The following SMG9 variants were observed in gnomAD, a reference collection of about 807,000 sequenced individuals.
The protein encoded by SMG9 is nonsense-mediated mRNA decay factor SMG9.
A neutral mutation model predicts 64.0 loss-of-function variants in SMG9; 55 were observed. The observed-to-expected ratio is 0.86, with a 90% confidence interval of 0.69 to 1.08. SMG9 has a LOEUF of 1.08. Ranked by LOEUF, SMG9 falls within the 50% of genes least tolerant of loss-of-function variation. The pLI is 0.00. For missense variants in SMG9, 554 were observed against 681.3 expected (o/e 0.81, Z 2.08); for synonymous variants, 244 against 254.8 (o/e 0.96, Z 0.41).
In SMG9 at chr19:43,747,540, CTGGAGAT is replaced by C. The variant is rs1467569556; in HGVS notation, c.491-8_491-2del. On this transcript the variant is annotated splice_acceptor_variant and splice_polypyrimidine_tract_variant and intron_variant, in intron 4 of 13. Transcript: ENST00000270066. LOFTEE classifies it high-confidence loss of function. ...AGTAGTTTGGCCTGACCCACGACAG[CTGGAGAT>C]TGGAGAAAGCAGGAGACAGAGGATG... 3 of 1,614,180 alleles carry C rather than the reference CTGGAGAT, an allele frequency of 1.9e-6. No homozygotes were observed. The highest frequency in any genetic ancestry group is 1.7e-6 in the Non-Finnish European group (2 of 1,180,040).
chr19:43,734,227 G>A (rs1968577376), intron 10 of SMG9, 162 bp downstream of exon 10: 3 of 615,326 alleles, frequency 4.9e-6, no homozygotes, highest in Non-Finnish European at 8.7e-6. Flanking sequence ...AACTTGGAAG[G>A]AGCAGCTAAT....
chr19:43,739,418 C>T (rs1259579001), intron 7 of SMG9, among the ~76,000 whole-genome samples: 1 of 152,284 alleles, frequency 6.6e-6, no homozygotes, highest in Non-Finnish European at 1.5e-5. Context: ...CAAGGTCACA[C>T]AATTCGTTGG....
Position 43,729,130 on chromosome 19 carries a change from C to T in SMG9, c.*2466G>A. Reference sequence around the variant, plus strand: ...GCTACTGCCAGTTTGACTCCTCTGTCAAACTGCCTCAACGAGCCAGCCCCT... The same window carrying T: ...GCTACTGCCAGTTTGACTCCTCTGTTAAACTGCCTCAACGAGCCAGCCCCT... On this transcript the variant is annotated 3_prime_UTR_variant, in exon 14 of 14. Transcript: ENST00000270066. 1 of 732,810 alleles carries T rather than the reference C, an allele frequency of 1.4e-6. No homozygotes were observed. The highest frequency in any genetic ancestry group is 6.2e-5 in the South Asian group (1 of 16,252). 45.4% of individuals were successfully genotyped at this position (732,810 alleles called of 1,614,324 possible). A position where few individuals can be genotyped will look rare whatever the true frequency, so the allele number is the denominator to read the frequency against.
In SMG9 at chr19:43,728,042, CTA is replaced by C. The variant is rs1032753492; in HGVS notation, c.*3552_*3553del. 3 of 152,140 alleles carry C rather than the reference CTA, an allele frequency of 2.0e-5. No individual in the cohort carries two copies. Among genetic ancestry groups the C allele is most frequent in the Non-Finnish European group, 2.9e-5 (2 of 68,030 alleles). The allele number at this position is 152,140 out of a possible 1,614,324, so 9.4% of individuals were successfully genotyped here. A position where few individuals can be genotyped will look rare whatever the true frequency, so the allele number is the denominator to read the frequency against. On this transcript the variant is annotated 3_prime_UTR_variant, in exon 14 of 14. Coordinates refer to ENST00000270066, the MANE Select transcript of SMG9 (RefSeq NM_019108.4). ...TGCAAAGTTAGAGGATTGCAAAATG[CTA>C]TGTGCCCAATGCAGACCTGGCACCT...
chr19:43,731,143 T>G lies in SMG9; in HGVS notation c.*453A>C. 1.0e-6 allele frequency: 1 copy of G among 989,582 alleles called. No individual in the cohort carries two copies. Among genetic ancestry groups the G allele is most frequent in the Non-Finnish European group, 1.2e-6 (1 of 832,748 alleles). 61.3% of individuals were successfully genotyped at this position (989,582 alleles called of 1,614,324 possible). A position where few individuals can be genotyped will look rare whatever the true frequency, so the allele number is the denominator to read the frequency against. On this transcript the variant is annotated 3_prime_UTR_variant, in exon 14 of 14. Transcript: ENST00000270066. Reference sequence around the variant, plus strand: ...GGTGGGTAGAGGAGTAAGTGGAACATAAGAACAGGCTTGCATGACTGTGTT... The same window carrying G: ...GGTGGGTAGAGGAGTAAGTGGAACAGAAGAACAGGCTTGCATGACTGTGTT...
chr19:43,750,642 G>C lies in SMG9; in HGVS notation c.100C>G (p.Pro34Ala). Residue 34 changes from proline to alanine, a missense_variant, in exon 2 of 14, where the codon CCT becomes GCT. Transcript: ENST00000270066. ...GSGGPQNLSG[P>A]GGRERDYIAP... ...ATGTAGTCCCTCTCCCGACCACCAG[G>C]CCCAGAGAGATTCTGGGGGCCACCA... The C allele has an allele frequency of 1.9e-6, 3 of 1,613,950 alleles. No homozygotes were observed. Among genetic ancestry groups the C allele is most frequent in the Non-Finnish European group, 2.5e-6 (3 of 1,179,986 alleles).
rs1180801597 is a variant in SMG9 at position 43,747,476 on chromosome 19, T to A, written c.554A>T (p.Asp185Val). Reference sequence around the variant, plus strand: ...ACTGTCACACCAATTCATCTGGTCATCCACCAACTTGATGCTGTGCTTCAT... The same window carrying A: ...ACTGTCACACCAATTCATCTGGTCAACCACCAACTTGATGCTGTGCTTCAT... ...ERMKHSIKLV[D>V]DQMNWCDSAI... Residue 185 changes from aspartate (D) to valine (V), a missense_variant, in exon 5 of 14, where the codon GAT becomes GTT. By Grantham distance (152) the Asp-to-Val change is radical. Coordinates refer to ENST00000270066, the MANE Select transcript of SMG9 (RefSeq NM_019108.4). The A allele has an allele frequency of 6.2e-7, 1 of 1,613,998 alleles. No homozygotes were observed.
intron 9 of SMG9, among the ~76,000 whole-genome samples, chr19:43,735,448 T>C (rs1460404118): frequency 6.6e-6 from 1 of 151,784 alleles, no homozygotes; most frequent in African/African-American, 2.4e-5. Context: ...CGAAACTGTG[T>C]CTCTACTAAA....
intron 6 of SMG9, among the ~76,000 whole-genome samples, chr19:43,742,514 A>C (rs542862048): frequency 6.6e-6 from 1 of 152,206 alleles, no homozygotes; most frequent in Non-Finnish European, 1.5e-5. Flanking sequence ...CCATTGTGTT[A>C]TATTCTAACG....
intron 1 of SMG9, among the ~76,000 whole-genome samples, chr19:43,752,912 A>AAAAAAAAAAAAAAAAAAAAAAAAAAAAC (rs1969233248): frequency 6.6e-6 from 1 of 151,138 alleles, no homozygotes; most frequent in South Asian, 2.1e-4. Context: ...TAAAAAAAAA[A>AAAAAAAAAAAAAAAAAAAAAAAAAAAAC]AAAAGCAGAA....
chr19:43,733,609 G>C lies in SMG9; in HGVS notation c.1210+17C>G, dbSNP rs1472161172. ...TAGGAGGCTGACTAGCTTGGGGGGT[G>C]ATGTGGGAACCCTTACCCTTGTAAC... is the stretch of plus-strand genomic sequence containing the variant. On this transcript the variant is annotated intron_variant, in intron 11 of 13. Transcript: ENST00000270066. 6.2e-7 allele frequency: 1 copy of C among 1,612,550 alleles called. No individual in the cohort carries two copies. Among genetic ancestry groups the C allele is most frequent in the Non-Finnish European group, 8.5e-7 (1 of 1,178,708 alleles).
chr19:43,739,724 T>C (rs966652047), intron 7 of SMG9: 1 of 206,902 alleles, frequency 4.8e-6, no homozygotes, highest in Non-Finnish European at 9.9e-6. Context: ...CACTGAATCC[T>C]TGAAACTCCT....
chr19:43,746,631 AG>A, intron 5 of SMG9, among the ~76,000 whole-genome samples: 1 of 136,624 alleles, frequency 7.3e-6, no homozygotes, highest in East Asian at 1.9e-4. Flanking sequence ...CAATCTGAGC[AG>A]GGGTGTGACA....
rs1019882908 is a variant in SMG9 at position 43,728,841 on chromosome 19, A to T, written c.*2755T>A. The T allele has an allele frequency of 1.2e-5, 3 of 253,046 alleles. No homozygotes were observed. Among genetic ancestry groups the T allele is most frequent in the Non-Finnish European group, 1.9e-5 (3 of 160,414 alleles). The allele number at this position is 253,046 out of a possible 1,614,324, so 15.7% of individuals were successfully genotyped here. ...CATGTTTCCTGCAGTGGAGGGTGAGAAGGATACCAATGTATTCCTGTGTCT... is the reference window on the plus strand; with the variant it reads ...CATGTTTCCTGCAGTGGAGGGTGAGTAGGATACCAATGTATTCCTGTGTCT... On this transcript the variant is annotated 3_prime_UTR_variant, in exon 14 of 14. Coordinates refer to ENST00000270066, the MANE Select transcript of SMG9 (RefSeq NM_019108.4).
rs1203737942 is a variant in SMG9, at chr19:43,733,291, G to C, written c.1339+33C>G. ...TCTCTCTCTGATCAGGATAGGACTTGTCTCTCCATGAACCTGTTGAGGGTA... is the reference window on the plus strand; with the variant it reads ...TCTCTCTCTGATCAGGATAGGACTTCTCTCTCCATGAACCTGTTGAGGGTA... On this transcript the variant is annotated intron_variant, in intron 12 of 13. Transcript: ENST00000270066. The C allele has an allele frequency of 1.9e-6, 3 of 1,611,022 alleles. No homozygotes were observed. The East Asian group carries it at 6.7e-5, about 36-fold the overall frequency.
intron 6 of SMG9, among the ~76,000 whole-genome samples, chr19:43,743,940 G>A (rs1047188901): frequency 6.6e-6 from 1 of 152,150 alleles, no homozygotes; most frequent in African/African-American, 2.4e-5. Context: ...ACATGTCTCT[G>A]TTCTTCACCA....
At position 43,729,895 on chromosome 19, in the gene SMG9, G is replaced by GC. The variant is rs1278863444; in HGVS notation, c.*1700dup. The GC allele has an allele frequency of 3.3e-5, 5 of 152,468 alleles. No individual in the cohort carries two copies. Among genetic ancestry groups the GC allele is most frequent in the African/African-American group, 1.2e-4 (5 of 41,582 alleles). The allele number at this position is 152,468 out of a possible 1,614,324, so 9.4% of individuals were successfully genotyped here. A position where few individuals can be genotyped will look rare whatever the true frequency, so the allele number is the denominator to read the frequency against. On this transcript the variant is annotated 3_prime_UTR_variant, in exon 14 of 14. Transcript: ENST00000270066. ...AATGGCCAGAGAGGGGAGGCTCCTTGCCTACTACAGTCGGTCAGGAAGTGG... is the reference window on the plus strand; with the variant it reads ...AATGGCCAGAGAGGGGAGGCTCCTTGCCCTACTACAGTCGGTCAGGAAGTGG...
At chr19:43,752,620 G>A (rs1158959283) in intron 1 of SMG9, among the ~76,000 whole-genome samples, 2 of 152,154 alleles carry the variant, frequency 1.3e-5, no homozygotes, top group Non-Finnish European at 2.9e-5. Context: ...CTGAATGGCC[G>A]AGTATGGTGG....
At chr19:43,733,086 C>T (rs1968538431) in intron 12 of SMG9, 84 bp from the exon 13 acceptor site, 2 of 1,493,522 alleles carry the variant, frequency 1.3e-6, no homozygotes, top group East Asian at 2.3e-5. Flanking sequence ...CTTCAAGGAG[C>T]ACCTGAGAGT....
Sources: allele counts gnomAD v4.1 joint callset (sites outside exome capture counted in the v4.1 genomes callset), GRCh38; gene constraint gnomAD v4.1.1; transcripts MANE v1.5; gene names NCBI Gene and HGNC (gene_info 2026-07-23, HGNC 2026-07-21).